Variants in SHANK2 observed in about 807,000 individuals in gnomAD.
SHANK2 encodes the protein SH3 and multiple ankyrin repeat domains protein 2.
In SHANK2, 43 loss-of-function variants were observed where a neutral mutation model predicts 133.7. The ratio of observed to expected loss-of-function variants is 0.32; its 90% CI spans 0.25 to 0.41. SHANK2 has a LOEUF of 0.41. Among genes scored for constraint, SHANK2 ranks in the 10% least tolerant of loss-of-function variants. SHANK2 has a pLI of 1.00. For missense variants in SHANK2, 1,994 were observed against 2,235.8 expected (o/e 0.89, Z 2.18); for synonymous variants, 1,017 against 952.8 (o/e 1.07, Z -1.24).
intron 9 of SHANK2, among the ~76,000 whole-genome samples, chr11:71,060,991 T>G (rs1441653542): frequency 6.6e-6 from 1 of 152,266 alleles, no homozygotes; most frequent in Non-Finnish European, 1.5e-5. Flanking sequence ...AAGGGAATTT[T>G]CAGACATAAC....
intron 14 of SHANK2, among the ~76,000 whole-genome samples, chr11:70,759,301 C>T (rs1946939760): frequency 1.3e-5 from 2 of 151,786 alleles, no homozygotes; most frequent in African/African-American, 4.8e-5. Flanking sequence ...GAAGAGCAGC[C>T]TGGCCAAACC....
intron 2 of SHANK2, among the ~76,000 whole-genome samples, chr11:71,183,097 T>C (rs1210159650): frequency 1.3e-5 from 2 of 151,390 alleles, no homozygotes; most frequent in Admixed American, 6.6e-5. Flanking sequence ...TTCAAGGCTC[T>C]TGACAGTTTC....
intron 14 of SHANK2, among the ~76,000 whole-genome samples, chr11:70,700,010 C>T (rs1240886059): frequency 1.3e-5 from 2 of 152,200 alleles, no homozygotes; most frequent in Non-Finnish European, 2.9e-5. Flanking sequence ...CCTCTGAGAC[C>T]CTGGGGTCAA....
At chr11:70,893,646 CAA>C (rs144144842) in intron 11 of SHANK2, among the ~76,000 whole-genome samples, 66 of 152,290 alleles carry the variant, frequency 4.3e-4, no homozygotes, top group Non-Finnish European at 7.4e-4. Context: ...TCAGATGAAA[CAA>C]GAGGTTTTTT....
chr11:70,593,738 G>A (rs916656513), intron 17 of SHANK2, among the ~76,000 whole-genome samples: 4 of 152,208 alleles, frequency 2.6e-5, no homozygotes, highest in Admixed American at 6.5e-5. Context: ...GGCAAACGGA[G>A]TGTCCACCTT....
intron 2 of SHANK2, among the ~76,000 whole-genome samples, chr11:71,201,040 G>T (rs886121657): frequency 6.6e-6 from 1 of 151,958 alleles, no homozygotes; most frequent in African/African-American, 2.4e-5. Flanking sequence ...CCCCCACACC[G>T]ACCTCCCCCG....
chr11:70,663,047 G>C (rs1555013930), intron 15 of SHANK2, among the ~76,000 whole-genome samples: 1 of 152,162 alleles, frequency 6.6e-6, no homozygotes, highest in African/African-American at 2.4e-5. Context: ...AGGGTCTTGC[G>C]GGGCTGTGTG....
chr11:70,832,166 A>C (rs1481791977), intron 11 of SHANK2, among the ~76,000 whole-genome samples: 1 of 152,202 alleles, frequency 6.6e-6, no homozygotes, highest in African/African-American at 2.4e-5. Flanking sequence ...GCCACTTCAC[A>C]GGAGAGTCAT....
intron 17 of SHANK2, among the ~76,000 whole-genome samples, chr11:70,641,469 A>G (rs1555006340): frequency 6.6e-6 from 1 of 152,194 alleles, no homozygotes; most frequent in Non-Finnish European, 1.5e-5. Context: ...ACAGCAGAGA[A>G]TGGCATGTGC....
chr11:70,755,885 T>G (rs1278963099), intron 14 of SHANK2, among the ~76,000 whole-genome samples: 1 of 152,148 alleles, frequency 6.6e-6, no homozygotes, highest in Non-Finnish European at 1.5e-5. Flanking sequence ...GAAATACAAG[T>G]TTATTTCCAT....
intron 13 of SHANK2, among the ~76,000 whole-genome samples, chr11:70,799,605 G>C (rs1947998100): frequency 6.6e-6 from 1 of 152,184 alleles, no homozygotes; most frequent in Non-Finnish European, 1.5e-5. Flanking sequence ...TCATTACGTG[G>C]TTGCTGGCAA....
chr11:71,206,450 G>C (rs932794897), intron 2 of SHANK2, among the ~76,000 whole-genome samples: 16 of 152,158 alleles, frequency 1.1e-4, no homozygotes, highest in African/African-American at 1.7e-4. Context: ...AGGAAGCACA[G>C]GAGCGTAAAT....
At chr11:70,598,132 G>A (rs1367811215) in intron 17 of SHANK2, among the ~76,000 whole-genome samples, 2 of 152,228 alleles carry the variant, frequency 1.3e-5, no homozygotes, top group East Asian at 1.9e-4. Flanking sequence ...GCAGGGGAAC[G>A]TGCCGTAGAC....
intron 11 of SHANK2, among the ~76,000 whole-genome samples, chr11:70,894,395 C>T (rs1416034467): frequency 6.6e-6 from 1 of 152,130 alleles, no homozygotes; most frequent in Non-Finnish European, 1.5e-5. Flanking sequence ...CTATGTTGGC[C>T]AGGCTGGTTT....
At chr11:71,197,674 A>G (rs7109074) in intron 2 of SHANK2, among the ~76,000 whole-genome samples, 132,698 of 152,262 alleles carry the variant, frequency 0.87, 58,005 homozygotes, top group East Asian at 1. Context: ...TTTTTGAGAC[A>G]GAGTCTCGCT....
chr11:70,815,173 GAAACACACACACACAC>G (rs1948363509), intron 12 of SHANK2, among the ~76,000 whole-genome samples: 2 of 117,962 alleles, frequency 1.7e-5, no homozygotes, highest in Admixed American at 9.2e-5. Flanking sequence ...GATGGGAGAA[GAAACACACACACACAC>G]ACACACACAC....
At chr11:71,090,263 CTGTGTGTG>C (rs1165771011) in intron 8 of SHANK2, among the ~76,000 whole-genome samples, 2 of 36,786 alleles carry the variant, frequency 5.4e-5, no homozygotes, top group Non-Finnish European at 9.8e-5. Flanking sequence ...AACACAACCT[CTGTGTGTG>C]TGTGTGTGTG....
At chr11:70,579,380 C>T (rs921522055) in intron 17 of SHANK2, among the ~76,000 whole-genome samples, 1 of 152,242 alleles carries the variant, frequency 6.6e-6, no homozygotes, top group Non-Finnish European at 1.5e-5. Flanking sequence ...CCTCTGAGGA[C>T]AGCCAGAAGA....
intron 11 of SHANK2, among the ~76,000 whole-genome samples, chr11:70,874,234 A>G (rs1364519776): frequency 4.6e-5 from 7 of 152,018 alleles, no homozygotes; most frequent in Non-Finnish European, 1.0e-4. Flanking sequence ...CTATCCATTC[A>G]CCCATCCAGC....
Sources: allele counts gnomAD v4.1 joint callset (sites outside exome capture counted in the v4.1 genomes callset), GRCh38; gene constraint gnomAD v4.1.1; transcripts MANE v1.5; gene names NCBI Gene and HGNC (gene_info 2026-07-23, HGNC 2026-07-21).